Variants in LYRM4 observed in about 807,000 individuals in gnomAD.
LYRM4 encodes the protein LYR motif-containing protein 4.
A neutral mutation model predicts 11.7 loss-of-function variants in LYRM4; 9 were observed. The observed-to-expected ratio is 0.77, with a 90% CI of 0.46 to 1.34. The LOEUF is 1.34. Ranked by LOEUF, LYRM4 falls within the 40% of genes most tolerant of loss-of-function variation. LYRM4 has a pLI of 0.00. For missense variants in LYRM4, 133 were observed against 112.5 expected (o/e 1.18, Z -0.82); for synonymous variants, 42 against 40.4 (o/e 1.04, Z -0.15).
chr6:5,066,165 T>C, the LYRM4 span: 19 of 640,162 alleles, frequency 3.0e-5, no homozygotes, highest in East Asian at 6.7e-4. Context: ...TTTGGGTGTA[T>C]ACATCAAATG....
the LYRM4 span, chr6:5,066,537 C>T: frequency 2.4e-6 from 2 of 821,418 alleles, no homozygotes; most frequent in Non-Finnish European, 4.3e-6. Flanking sequence ...AAAGAAGTCA[C>T]AGTGAATCAC....
chr6:5,102,530 CCAAA>C (rs563116422), downstream of LYRM4: 1 of 152,140 alleles, frequency 6.6e-6, no homozygotes, highest in African/African-American at 2.4e-5. Flanking sequence ...ACTGACACTC[CCAAA>C]CAAAGGAAAT....
intron 2 of LYRM4, among the ~76,000 whole-genome samples, chr6:5,116,322 C>G (rs1361067609): frequency 6.6e-6 from 1 of 152,070 alleles, no homozygotes; most frequent in Non-Finnish European, 1.5e-5. Flanking sequence ...CCGGGGGATT[C>G]TATATGGGAT....
the LYRM4 span, among the ~76,000 whole-genome samples, chr6:5,077,111 G>T: frequency 6.6e-6 from 1 of 152,212 alleles, no homozygotes. Flanking sequence ...TTCTGGAGCA[G>T]GTTGGGGTCA....
chr6:5,179,874 C>A (rs116777328), intron 2 of LYRM4, among the ~76,000 whole-genome samples: 3,294 of 152,276 alleles, frequency 0.022, 117 homozygotes, highest in African/African-American at 0.076. Context: ...TTTGCCCCAT[C>A]ATGCTTACAA....
the LYRM4 span, among the ~76,000 whole-genome samples, chr6:5,037,553 G>A: frequency 3.7e-3 from 294 of 78,766 alleles, no homozygotes; most frequent in Middle Eastern, 6.4e-3. Context: ...TCCTGGCCGG[G>A]CAGAGGGGCT....
intron 2 of LYRM4, among the ~76,000 whole-genome samples, chr6:5,190,710 A>G (rs1581471028): frequency 6.6e-6 from 1 of 152,134 alleles, no homozygotes; most frequent in East Asian, 1.9e-4. Context: ...TGCATTACTC[A>G]TGTGTTGTCA....
At chr6:5,205,029 A>C (rs1403939022) in intron 2 of LYRM4, among the ~76,000 whole-genome samples, 1 of 152,170 alleles carries the variant, frequency 6.6e-6, no homozygotes, top group African/African-American at 2.4e-5. Flanking sequence ...ATTAGGCATT[A>C]ATGGAGTGCT....
intron 2 of LYRM4, among the ~76,000 whole-genome samples, chr6:5,189,478 G>A (rs1361889831): frequency 6.6e-6 from 1 of 152,182 alleles, no homozygotes; most frequent in African/African-American, 2.4e-5. Flanking sequence ...GCAGATCTGT[G>A]ACTTCAAGAG....
intron 1 of LYRM4, chr6:5,218,218 T>G (rs1439049542): frequency 1.0e-6 from 1 of 981,482 alleles, no homozygotes; most frequent in Non-Finnish European, 1.2e-6. Context: ...TCTCGTCTTC[T>G]TAATGATCAC....
chr6:5,177,821 G>A (rs1448061851), intron 2 of LYRM4, among the ~76,000 whole-genome samples: 1 of 152,064 alleles, frequency 6.6e-6, no homozygotes, highest in Non-Finnish European at 1.5e-5. Context: ...ATTTATACAG[G>A]GATGAGAAGT....
intron 2 of LYRM4, among the ~76,000 whole-genome samples, chr6:5,129,189 T>C (rs1427962503): frequency 2.0e-5 from 3 of 152,204 alleles, no homozygotes; most frequent in Non-Finnish European, 2.9e-5. Flanking sequence ...AATAGTGGCA[T>C]TGGGCTCGCG....
the LYRM4 span, among the ~76,000 whole-genome samples, chr6:5,076,361 A>G: frequency 3.3e-5 from 5 of 152,192 alleles, no homozygotes; most frequent in African/African-American, 1.2e-4. Flanking sequence ...ACAGGGAGAA[A>G]ATAGCCAGGC....
intron 1 of LYRM4, among the ~76,000 whole-genome samples, chr6:5,221,970 G>A (rs1328504067): frequency 6.6e-6 from 1 of 152,168 alleles, no homozygotes; most frequent in Non-Finnish European, 1.5e-5. Flanking sequence ...ACATCCTTGG[G>A]GTTATGGTGT....
chr6:5,119,806 A>AC (rs1265574974), intron 2 of LYRM4, among the ~76,000 whole-genome samples: 3 of 151,202 alleles, frequency 2.0e-5, no homozygotes, highest in African/African-American at 7.3e-5. Context: ...AAAAAAAAAA[A>AC]AAAAAAAAAA....
At chr6:5,185,601 C>G (rs1760342263) in intron 2 of LYRM4, among the ~76,000 whole-genome samples, 1 of 152,046 alleles carries the variant, frequency 6.6e-6, no homozygotes, top group African/African-American at 2.4e-5. Flanking sequence ...CCTGAGCAAC[C>G]CCACAGTCCA....
chr6:5,196,887 G>T (rs1393183790), intron 2 of LYRM4, among the ~76,000 whole-genome samples: 2 of 152,320 alleles, frequency 1.3e-5, no homozygotes, highest in Middle Eastern at 3.4e-3. Flanking sequence ...GAAGCTATCT[G>T]TGGGCATGAT....
the LYRM4 span, among the ~76,000 whole-genome samples, chr6:5,090,003 T>A: frequency 9.6e-6 from 1 of 104,322 alleles, no homozygotes; most frequent in South Asian, 3.6e-4. The surrounding 1 kb of genome is among the most constrained non-coding windows in gnomAD (Gnocchi z 4.8). Flanking sequence ...AGAGTGTATT[T>A]CCTGAAAGGA....
In LYRM4 at chr6:5,203,545, G is replaced by A. The variant is rs1410818735; in HGVS notation, c.207+13073C>T. Among the ~76,000 whole-genome samples the A allele has an allele frequency of 5.9e-5, 9 of 152,296 alleles. No homozygotes were observed. The East Asian group carries it at 7.7e-4, about 13-fold the overall frequency. ...TAGCAGTCTGCAATGTGATGGGAAC[G>A]TTTAAAATATGGAAGATTACATGGA... is the stretch of plus-strand genomic sequence containing the variant. On this transcript the variant is annotated intron_variant, in intron 2 of 2. Coordinates refer to ENST00000330636, the MANE Select transcript of LYRM4 (RefSeq NM_020408.6).
Sources: allele counts gnomAD v4.1 joint callset (sites outside exome capture counted in the v4.1 genomes callset), GRCh38; gene constraint gnomAD v4.1.1; non-coding constraint Gnocchi (gnomAD v3.1); transcripts MANE v1.5; gene names NCBI Gene and HGNC (gene_info 2026-07-23, HGNC 2026-07-21).